The following OTOP1 variants were observed in gnomAD, a reference collection of about 807,000 sequenced individuals.
OTOP1 encodes the protein proton channel OTOP1.
Under a neutral mutation model 52.9 loss-of-function variants are expected in OTOP1, and 59 were observed. That is an observed-to-expected ratio of 1.12 (90% CI 0.91 to 1.39). OTOP1 has a LOEUF of 1.39. Ranked by LOEUF, OTOP1 falls within the 40% of genes most tolerant of loss-of-function variation. The pLI is 0.00. For missense variants in OTOP1, 761 were observed against 800.9 expected, an observed-to-expected ratio of 0.95 and a Z score of 0.60; for synonymous variants, 317 against 337.7, an observed-to-expected ratio of 0.94 and a Z score of 0.67.
chr4:4,203,734 A>C (rs1716839403), intron 3 of OTOP1, among the ~76,000 whole-genome samples: 1 of 152,192 alleles, frequency 6.6e-6, no homozygotes, highest in Non-Finnish European at 1.5e-5. Context: ...TGCAGCAAAC[A>C]CTGGTGATTT....
At chr4:4,199,559 C>T (rs1259573506) in intron 4 of OTOP1, among the ~76,000 whole-genome samples, 2 of 151,958 alleles carry the variant, frequency 1.3e-5, no homozygotes, top group African/African-American at 4.8e-5. Flanking sequence ...ACCACAGGCC[C>T]GTGCCACCAC....
intron 1 of OTOP1, among the ~76,000 whole-genome samples, chr4:4,219,903 ATATATGTGTGTATATACG>A (rs1717246601): frequency 7.0e-6 from 1 of 143,874 alleles, no homozygotes; most frequent in Non-Finnish European, 1.5e-5. Flanking sequence ...ATGTATACAC[ATATATGTGTGTATATACG>A]TATACATGTA....
At chr4:4,221,032 A>ATTATT (rs1717289226) in intron 1 of OTOP1, among the ~76,000 whole-genome samples, 1 of 143,704 alleles carries the variant, frequency 7.0e-6, no homozygotes, top group Non-Finnish European at 1.5e-5. Flanking sequence ...TTATTTATAT[A>ATTATT]TTATTTTATT....
At chr4:4,205,387 G>C (rs1716879441) in intron 3 of OTOP1, among the ~76,000 whole-genome samples, 1 of 152,206 alleles carries the variant, frequency 6.6e-6, no homozygotes, top group Admixed American at 6.5e-5. Context: ...CTGAAGGCAG[G>C]ATGGCGATTC....
At chr4:4,198,344 G>C (rs1224694597) in intron 4 of OTOP1, among the ~76,000 whole-genome samples, 2 of 152,148 alleles carry the variant, frequency 1.3e-5, no homozygotes, top group Non-Finnish European at 2.9e-5. Flanking sequence ...AAAGAGGATA[G>C]AGAAGATGAC....
intron 1 of OTOP1, among the ~76,000 whole-genome samples, chr4:4,223,143 C>T (rs747039388): frequency 6.6e-5 from 10 of 152,236 alleles, no homozygotes; most frequent in Non-Finnish European, 1.3e-4. Context: ...ATCTACTGAA[C>T]ACCTATCACG....
At chr4:4,191,317 G>C (rs888510672) in intron 5 of OTOP1, among the ~76,000 whole-genome samples, 2 of 152,152 alleles carry the variant, frequency 1.3e-5, no homozygotes, top group African/African-American at 2.4e-5. Flanking sequence ...TGGTCTCCCA[G>C]CTCGCACTAG....
In OTOP1 at chr4:4,201,463, T is replaced by TACACACACACAC. The variant is rs200995441; in HGVS notation, c.730+984_730+985insGTGTGTGTGTGT. 3.6e-4 allele frequency among the ~76,000 whole-genome samples: 46 copies of TACACACACACAC among 128,408 alleles called. 1 individual carries two copies. Among genetic ancestry groups the TACACACACACAC allele is most frequent in the Admixed American group, 2.0e-3 (26 of 13,280 alleles). 84.2% of individuals were successfully genotyped at this position (128,408 alleles called of 152,430 possible). The stretch of plus-strand genomic sequence containing the variant: ...ATAAAATAGAATAAATAAATAAATA[T>TACACACACACAC]ATATATATACACACACACACACACA... On this transcript the variant is annotated intron_variant, in intron 4 of 5. Transcript: ENST00000296358.
chr4:4,196,818 C>G (rs143499033), intron 5 of OTOP1, among the ~76,000 whole-genome samples: 3 of 152,218 alleles, frequency 2.0e-5, no homozygotes, highest in Non-Finnish European at 2.9e-5. Flanking sequence ...TTGCAGCAAC[C>G]TGGATAGAAC....
chr4:4,195,265 G>C (rs1246990144), intron 5 of OTOP1, among the ~76,000 whole-genome samples: 1 of 152,198 alleles, frequency 6.6e-6, no homozygotes, highest in Non-Finnish European at 1.5e-5. Flanking sequence ...TTTTGCCTCT[G>C]TGTCTTCACA....
At chr4:4,193,189 C>A (rs1716551092) in intron 5 of OTOP1, among the ~76,000 whole-genome samples, 1 of 152,118 alleles carries the variant, frequency 6.6e-6, no homozygotes, top group African/African-American at 2.4e-5. Flanking sequence ...CTGCTCTGTG[C>A]TCCCAGGTCA....
At chr4:4,206,930 C>A (rs1716917370) in intron 2 of OTOP1, among the ~76,000 whole-genome samples, 1 of 152,180 alleles carries the variant, frequency 6.6e-6, no homozygotes, top group Non-Finnish European at 1.5e-5. Context: ...ATATACCAGG[C>A]ATTATTTGGG....
At position 4,188,809 on chromosome 4, in the gene OTOP1, C is replaced by T; in HGVS notation, c.1833G>A (p.Lys611=). The stretch of plus-strand genomic sequence containing the variant: ...GGTCTCTTGTGGACCCAGACTATAT[C>T]TTACAATAGACCTCAAAGAGGGAGG... ...AAASLFEVYC[K]I The change falls in exon 6 of 6, where the codon AAG becomes AAA. Residue 611 remains lysine, a synonymous_variant. Coordinates refer to ENST00000296358, the MANE Select transcript of OTOP1 (RefSeq NM_177998.3). 6.2e-7 allele frequency: 1 copy of T among 1,612,302 alleles called. No individual in the cohort carries two copies.
chr4:4,210,996 T>A (rs1198211770), intron 2 of OTOP1, among the ~76,000 whole-genome samples: 1 of 152,094 alleles, frequency 6.6e-6, no homozygotes, highest in Admixed American at 6.6e-5. Context: ...TACAACTCAG[T>A]CCATAACAGC....
chr4:4,193,152 G>A (rs964757770), intron 5 of OTOP1, among the ~76,000 whole-genome samples: 1 of 152,130 alleles, frequency 6.6e-6, no homozygotes, highest in Non-Finnish European at 1.5e-5. Flanking sequence ...TTGGCTCGCA[G>A]GCCCTGTGTG....
chr4:4,193,606 C>G (rs900986345), intron 5 of OTOP1, among the ~76,000 whole-genome samples: 2 of 152,178 alleles, frequency 1.3e-5, no homozygotes, highest in African/African-American at 2.4e-5. Flanking sequence ...TAAGACTCCA[C>G]CCTGCAATGA....
chr4:4,196,167 C>G (rs544282126), intron 5 of OTOP1, among the ~76,000 whole-genome samples: 13 of 152,064 alleles, frequency 8.5e-5, no homozygotes, highest in Non-Finnish European at 1.6e-4. Context: ...ATCTGTAATC[C>G]CAGCACTTTG....
intron 2 of OTOP1, among the ~76,000 whole-genome samples, chr4:4,210,461 T>C (rs1369130430): frequency 3.9e-5 from 6 of 152,186 alleles, no homozygotes; most frequent in Non-Finnish European, 8.8e-5. Flanking sequence ...CTTTGGCTTG[T>C]AGATGGTCAA....
intron 5 of OTOP1, among the ~76,000 whole-genome samples, chr4:4,194,886 A>T (rs1327609282): frequency 6.6e-6 from 1 of 151,926 alleles, no homozygotes; most frequent in Non-Finnish European, 1.5e-5. Context: ...AAAAAATCCC[A>T]ACTGCACACA....
Sources: allele counts gnomAD v4.1 joint callset (sites outside exome capture counted in the v4.1 genomes callset), GRCh38; gene constraint gnomAD v4.1.1; transcripts MANE v1.5; gene names NCBI Gene and HGNC (gene_info 2026-07-23, HGNC 2026-07-21).